USP10: variants seen among roughly 807,000 people sequenced by gnomAD.
The protein encoded by USP10 is ubiquitin carboxyl-terminal hydrolase 10.
In USP10, 22 loss-of-function variants were observed where a neutral mutation model predicts 84.5. The observed-to-expected ratio is 0.26, with a 90% CI of 0.19 to 0.37. USP10 has a LOEUF of 0.37. Among genes scored for constraint, USP10 ranks in the 10% least tolerant of loss-of-function variants. USP10 has a pLI of 1.00. For missense variants in USP10, 1,019 were observed against 998.9 expected (o/e 1.02, Z -0.27); for synonymous variants, 454 against 387.6 (o/e 1.17, Z -2.01).
intron 1 of USP10, among the ~76,000 whole-genome samples, chr16:84,732,795 C>G (rs1909411062): frequency 6.6e-6 from 1 of 152,178 alleles, no homozygotes; most frequent in African/African-American, 2.4e-5. Context: ...AACTGGTAGG[C>G]ACTTGCCAGA....
intron 1 of USP10, among the ~76,000 whole-genome samples, chr16:84,700,764 G>A (rs1904760614): frequency 6.6e-6 from 1 of 152,142 alleles, no homozygotes; most frequent in Admixed American, 6.5e-5. Flanking sequence ...TCCCAGCCAG[G>A]CTGACAACTA....
At chr16:84,703,472 A>T (rs1323320133) in intron 1 of USP10, among the ~76,000 whole-genome samples, 1 of 152,166 alleles carries the variant, frequency 6.6e-6, no homozygotes, top group African/African-American at 2.4e-5. Context: ...AAAGTCTTGG[A>T]TTCCCCCTCT....
intron 1 of USP10, among the ~76,000 whole-genome samples, chr16:84,707,278 A>G (rs8044259): frequency 0.41 from 62,303 of 152,182 alleles, 13,460 homozygotes; most frequent in Non-Finnish European, 0.47. Context: ...TGAAATGTGC[A>G]TTTAGAAACT....
At chr16:84,745,996 G>C (rs1234897399) in intron 4 of USP10, among the ~76,000 whole-genome samples, 5 of 152,044 alleles carry the variant, frequency 3.3e-5, no homozygotes, top group Non-Finnish European at 7.4e-5. Context: ...GACTTTTTCT[G>C]TGATATACCT....
At chr16:84,718,486 C>T (rs985743889) in intron 1 of USP10, among the ~76,000 whole-genome samples, 5 of 152,130 alleles carry the variant, frequency 3.3e-5, no homozygotes, top group East Asian at 3.9e-4. Context: ...TGGCCGGGTG[C>T]GGTGGCTCAC....
At chr16:84,774,247 AAAT>A (rs910145054) in intron 12 of USP10, among the ~76,000 whole-genome samples, 1 of 151,870 alleles carries the variant, frequency 6.6e-6, no homozygotes, top group African/African-American at 2.4e-5. Context: ...CATCTCAAAA[AAAT>A]AAATAAATAA....
At chr16:84,764,557 G>A (rs891664896) in intron 10 of USP10, among the ~76,000 whole-genome samples, 12 of 152,146 alleles carry the variant, frequency 7.9e-5, no homozygotes, top group Admixed American at 2.0e-4. Flanking sequence ...TTGGCCATAC[G>A]CGGTGGTTCA....
At chr16:84,740,830 C>T (rs744839) in intron 3 of USP10, among the ~76,000 whole-genome samples, 62,524 of 152,158 alleles carry the variant, frequency 0.41, 13,742 homozygotes, top group East Asian at 0.67. Flanking sequence ...CTTGGGAACT[C>T]AGGTCAACTC....
Position 84,709,567 on chromosome 16 carries a change from G to T in USP10, c.21+9456G>T, listed in dbSNP as rs555398639. Among the ~76,000 whole-genome samples the T allele has an allele frequency of 1.7e-3, 266 of 152,244 alleles. 1 individual carries two copies. Among genetic ancestry groups the T allele is most frequent in the African/African-American group, 6.0e-3 (248 of 41,532 alleles). ...GCCCAGTGAAGAATAGACTCACGGG[G>T]TCGCAGTGGCCATAAGGAGATCATT... On this transcript the variant is annotated intron_variant, in intron 1 of 13. Coordinates refer to ENST00000219473, the MANE Select transcript of USP10 (RefSeq NM_005153.3).
intron 12 of USP10, among the ~76,000 whole-genome samples, chr16:84,774,589 G>A (rs1223779967): frequency 6.6e-6 from 1 of 151,734 alleles, no homozygotes; most frequent in Non-Finnish European, 1.5e-5. Flanking sequence ...TCCTGCCTCA[G>A]CCTCCCGAGT....
chr16:84,702,964 G>A (rs537088717), intron 1 of USP10, among the ~76,000 whole-genome samples: 14 of 127,290 alleles, frequency 1.1e-4, no homozygotes, highest in Non-Finnish European at 2.2e-4. Context: ...CTGCACTCCA[G>A]CCTGGGCGAC....
intron 1 of USP10, among the ~76,000 whole-genome samples, chr16:84,730,888 T>C (rs1202638266): frequency 6.6e-6 from 1 of 152,174 alleles, no homozygotes; most frequent in African/African-American, 2.4e-5. Flanking sequence ...TTCTTATCCT[T>C]AGGTATCTTC....
chr16:84,773,821 C>T (rs1436641038), intron 12 of USP10, among the ~76,000 whole-genome samples: 2 of 152,240 alleles, frequency 1.3e-5, no homozygotes, highest in Non-Finnish European at 2.9e-5. Flanking sequence ...GCCTCTGCTC[C>T]TGCATCTTCA....
chr16:84,750,260 T>C (rs1264358808), intron 4 of USP10, among the ~76,000 whole-genome samples: 1 of 151,834 alleles, frequency 6.6e-6, no homozygotes, highest in Non-Finnish European at 1.5e-5. Context: ...ATAAAAAAAT[T>C]AGATGGACGT....
At chr16:84,708,888 G>A (rs542074856) in intron 1 of USP10, 56 of 152,350 alleles carry the variant, frequency 3.7e-4, no homozygotes, top group African/African-American at 1.0e-3. Flanking sequence ...GTGGCCGGAC[G>A]TTAGGAGTAT....
chr16:84,738,803 A>G (rs1474286629), intron 2 of USP10, among the ~76,000 whole-genome samples: 1 of 152,134 alleles, frequency 6.6e-6, no homozygotes, highest in African/African-American at 2.4e-5. Flanking sequence ...TGCTGTGATT[A>G]TTGAATTGGT....
At chr16:84,726,588 G>A (rs1263607192) in intron 1 of USP10, among the ~76,000 whole-genome samples, 1 of 152,200 alleles carries the variant, frequency 6.6e-6, no homozygotes, top group African/African-American at 2.4e-5. Context: ...GCTGTGGTGT[G>A]GGCTTGCCCC....
intron 4 of USP10, among the ~76,000 whole-genome samples, chr16:84,749,154 T>G (rs774347684): frequency 5.3e-5 from 8 of 152,204 alleles, no homozygotes; most frequent in Non-Finnish European, 1.2e-4. Context: ...ATGGCATTGT[T>G]TGAAATTTTT....
intron 1 of USP10, among the ~76,000 whole-genome samples, chr16:84,712,066 G>A (rs1407604063): frequency 3.9e-5 from 6 of 152,246 alleles, no homozygotes; most frequent in East Asian, 1.9e-4. Flanking sequence ...GCTGTGCTTC[G>A]TTGCCCTTGC....
Sources: gnomAD v4.1 joint callset for allele counts (sites outside exome capture counted in the v4.1 genomes callset) on GRCh38, gnomAD v4.1.1 for gene constraint, MANE v1.5 for transcripts, NCBI Gene and HGNC (gene_info 2026-07-23, HGNC 2026-07-21) for gene names.